Variants in DCDC1 observed in about 807,000 individuals in gnomAD.
The protein encoded by DCDC1 is doublecortin domain-containing protein 1.
In DCDC1, 200 loss-of-function variants were observed where a neutral mutation model predicts 178.3. The observed-to-expected ratio is 1.12, with a 90% CI of 1.00 to 1.26. DCDC1 has a LOEUF of 1.26. Among genes scored for constraint, DCDC1 ranks in the 50% most tolerant of loss-of-function variants. DCDC1 has a pLI of 0.00. For missense variants in DCDC1, 1,983 were observed against 1,749.2 expected (o/e 1.13, Z -2.38); for synonymous variants, 690 against 604.8 (o/e 1.14, Z -2.07).
chr11:31,328,129 T>G lies in DCDC1; in HGVS notation c.152A>C (p.Asn51Thr). Residue 51 changes from asparagine to threonine, a missense_variant, in exon 3 of 39, where the codon AAT becomes ACT. Coordinates refer to ENST00000684477, the MANE Select transcript of DCDC1 (RefSeq NM_001387274.1). ...ATAATGTTCTTACCTTGGTAAATCA[T>G]TCAAAATATATTTGTAAATTGGGTT... ...TVNPIYKYIL[N>T]DLPREFMSSQ... 6.2e-7 allele frequency: 1 copy of G among 1,602,356 alleles called. No homozygotes were observed. The highest frequency in any genetic ancestry group is 8.5e-7 in the Non-Finnish European group (1 of 1,172,120).
chr11:31,337,252 C>G (rs1269175830), intron 1 of DCDC1, among the ~76,000 whole-genome samples: 4 of 152,144 alleles, frequency 2.6e-5, no homozygotes, highest in Non-Finnish European at 1.5e-5. Flanking sequence ...TTGGGCCTTG[C>G]AGGGTTGAAG....
At chr11:31,234,758 G>A (rs1480893637) in intron 9 of DCDC1, among the ~76,000 whole-genome samples, 2 of 152,148 alleles carry the variant, frequency 1.3e-5, no homozygotes, top group Non-Finnish European at 2.9e-5. Context: ...GAACAGATAG[G>A]ATGTCAGGTG....
At chr11:30,909,888 C>A (rs1565060544) in intron 28 of DCDC1, among the ~76,000 whole-genome samples, 1 of 152,096 alleles carries the variant, frequency 6.6e-6, no homozygotes, top group Non-Finnish European at 1.5e-5. Flanking sequence ...AGAACTTAAA[C>A]CAGTAGATTA....
chr11:31,118,274 C>A (rs1327185443), intron 11 of DCDC1, among the ~76,000 whole-genome samples: 1 of 152,046 alleles, frequency 6.6e-6, no homozygotes, highest in African/African-American at 2.4e-5. Flanking sequence ...ACATAATTTT[C>A]CCCTAAAGTG....
chr11:31,285,632 G>GT (rs927684285), intron 7 of DCDC1, among the ~76,000 whole-genome samples: 12 of 151,960 alleles, frequency 7.9e-5, no homozygotes, highest in African/African-American at 1.2e-4. Context: ...AGCTTATTAA[G>GT]TTTTTTTATT....
chr11:31,166,543 A>C (rs1241675888), intron 9 of DCDC1, among the ~76,000 whole-genome samples: 1 of 152,222 alleles, frequency 6.6e-6, no homozygotes, highest in Non-Finnish European at 1.5e-5. Context: ...TGCTTGAAAC[A>C]GCCTCGCTAT....
chr11:31,129,103 T>C (rs1962065187), intron 10 of DCDC1, among the ~76,000 whole-genome samples: 1 of 152,154 alleles, frequency 6.6e-6, no homozygotes, highest in Admixed American at 6.5e-5. Flanking sequence ...AAATCCATTA[T>C]TTCTATCCCT....
intron 20 of DCDC1, among the ~76,000 whole-genome samples, chr11:31,030,416 T>G (rs1294252796): frequency 2.6e-5 from 4 of 151,732 alleles, no homozygotes; most frequent in Non-Finnish European, 4.4e-5. Context: ...TATTAGCGTG[T>G]GGGGGTGATG....
chr11:31,026,004 A>C (rs1327761791), intron 20 of DCDC1, among the ~76,000 whole-genome samples: 1 of 151,846 alleles, frequency 6.6e-6, no homozygotes, highest in Non-Finnish European at 1.5e-5. Flanking sequence ...AGTTATGTAA[A>C]ATGCAGAAAG....
chr11:31,031,640 T>C lies in DCDC1; in HGVS notation c.2591+32829A>G, dbSNP rs1230383231. Among the ~76,000 whole-genome samples the C allele has an allele frequency of 2.0e-5, 3 of 152,240 alleles. No individual in the cohort carries two copies. In the East Asian group the frequency reaches 5.8e-4, roughly 29 times the overall value. On this transcript the variant is annotated intron_variant, in intron 20 of 38. Coordinates refer to ENST00000684477, the MANE Select transcript of DCDC1 (RefSeq NM_001387274.1). ...ATGTCTTATACAATAATACTATTTCTGGAATCATAGTTAAATCTATATATC... is the reference window on the plus strand; with the variant it reads ...ATGTCTTATACAATAATACTATTTCCGGAATCATAGTTAAATCTATATATC...
At chr11:30,971,606 T>G (rs1310689813) in intron 20 of DCDC1, among the ~76,000 whole-genome samples, 3 of 118,244 alleles carry the variant, frequency 2.5e-5, no homozygotes, top group African/African-American at 8.8e-5. Flanking sequence ...GGCCTTTGTT[T>G]TTTTTTTTTT....
intron 18 of DCDC1, among the ~76,000 whole-genome samples, chr11:31,067,831 A>T (rs564370361): frequency 7.2e-5 from 11 of 152,318 alleles, no homozygotes; most frequent in African/African-American, 2.4e-4. Context: ...TGAAATGTCC[A>T]GAATGGGCAA....
At chr11:31,172,400 A>T (rs1434070849) in intron 9 of DCDC1, among the ~76,000 whole-genome samples, 1 of 152,134 alleles carries the variant, frequency 6.6e-6, no homozygotes, top group African/African-American at 2.4e-5. Flanking sequence ...AATTGATGAG[A>T]TTAAGTTGAA....
intron 9 of DCDC1, among the ~76,000 whole-genome samples, chr11:31,193,410 A>C (rs979635844): frequency 6.6e-6 from 1 of 152,056 alleles, no homozygotes; most frequent in African/African-American, 2.4e-5. Flanking sequence ...CTCAAGGGAA[A>C]TGCTTATTGG....
At chr11:30,945,496 C>T (rs1207995243) in intron 21 of DCDC1, among the ~76,000 whole-genome samples, 1 of 151,738 alleles carries the variant, frequency 6.6e-6, no homozygotes, top group Non-Finnish European at 1.5e-5. Flanking sequence ...GAGTTCAAGA[C>T]CAATCTGACC....
intron 15 of DCDC1, among the ~76,000 whole-genome samples, chr11:31,101,277 G>T (rs191061926): frequency 3.9e-5 from 6 of 151,966 alleles, no homozygotes; most frequent in Non-Finnish European, 7.4e-5. Flanking sequence ...AGCAACAACC[G>T]TACACAGCAC....
intron 1 of DCDC1, among the ~76,000 whole-genome samples, chr11:31,364,945 A>G (rs1468033608): frequency 1.3e-5 from 2 of 152,164 alleles, no homozygotes; most frequent in Non-Finnish European, 2.9e-5. Context: ...TTCCTGGATT[A>G]GCTTCATCTT....
At chr11:31,094,828 T>C (rs892604907) in intron 15 of DCDC1, among the ~76,000 whole-genome samples, 3 of 151,978 alleles carry the variant, frequency 2.0e-5, no homozygotes, top group Non-Finnish European at 4.4e-5. Flanking sequence ...AGTTCTGGGG[T>C]ACATGTGCAG....
intron 9 of DCDC1, among the ~76,000 whole-genome samples, chr11:31,171,231 A>G (rs992457192): frequency 6.6e-6 from 1 of 151,898 alleles, no homozygotes; most frequent in Non-Finnish European, 1.5e-5. Flanking sequence ...GAAGCTAGAC[A>G]TTTTCTTTAA....
Sources: gnomAD v4.1 joint callset for allele counts (sites outside exome capture counted in the v4.1 genomes callset) on GRCh38, gnomAD v4.1.1 for gene constraint, MANE v1.5 for transcripts, NCBI Gene and HGNC (gene_info 2026-07-23, HGNC 2026-07-21) for gene names.